FUBP3: variants seen among roughly 807,000 people sequenced by gnomAD.
The protein encoded by FUBP3 is far upstream element binding protein 3.
Under a neutral mutation model 85.6 loss-of-function variants are expected in FUBP3, and 28 were observed. The ratio of observed to expected loss-of-function variants is 0.33; its 90% CI spans 0.24 to 0.45. The LOEUF is 0.45. Among genes scored for constraint, FUBP3 ranks in the 20% least tolerant of loss-of-function variants. The pLI is 1.00. For synonymous variants in FUBP3, 271 were observed against 271.4 expected (o/e 1.00, Z 0.01); for missense variants, 583 against 755.1 (o/e 0.77, Z 2.67).
chr9:130,589,675 G>GTGTATATATATATATATATATATA (rs869282275), intron 1 of FUBP3, among the ~76,000 whole-genome samples: 1 of 34,310 alleles, frequency 2.9e-5, no homozygotes, highest in African/African-American at 1.3e-4. Context: ...GTATGTGTGT[G>GTGTATATATATATATATATATATA]TATATATATA....
At chr9:130,601,341 A>G (rs1448589610) in intron 2 of FUBP3, among the ~76,000 whole-genome samples, 3 of 152,148 alleles carry the variant, frequency 2.0e-5, no homozygotes, top group African/African-American at 4.8e-5. Context: ...GTCACTTCCC[A>G]TTTGTCCCTC....
rs1293475850 is a variant in FUBP3, at chr9:130,637,207, C to A, written c.*185C>A. ...AAATTAGTTACTAAAAATTGCTGAT[C>A]ATTTTTGTTTCATTATTTTTGTTAT... On this transcript the variant is annotated 3_prime_UTR_variant, in exon 19 of 19. Coordinates refer to ENST00000319725, the MANE Select transcript of FUBP3 (RefSeq NM_003934.2). 6 of 610,282 alleles carry A rather than the reference C, an allele frequency of 9.8e-6. No individual in the cohort carries two copies. The highest frequency in any genetic ancestry group is 1.5e-5 in the Non-Finnish European group (5 of 342,146). 37.8% of individuals were successfully genotyped at this position (610,282 alleles called of 1,614,324 possible). A position where few individuals can be genotyped will look rare whatever the true frequency, so the allele number is the denominator to read the frequency against.
At chr9:130,589,705 A>ATATTTT (rs1414691549) in intron 1 of FUBP3, among the ~76,000 whole-genome samples, 13 of 73,834 alleles carry the variant, frequency 1.8e-4, no homozygotes, top group South Asian at 4.7e-4. Context: ...ATATATATAT[A>ATATTTT]TTTTTTTTTT....
chr9:130,593,970 A>G (rs539131133), intron 1 of FUBP3, among the ~76,000 whole-genome samples: 2 of 152,344 alleles, frequency 1.3e-5, no homozygotes, highest in Admixed American at 6.5e-5. Context: ...ATAAATATTA[A>G]AAGTTGAAAT....
intron 2 of FUBP3, among the ~76,000 whole-genome samples, chr9:130,602,795 G>A (rs908775112): frequency 6.6e-6 from 1 of 152,216 alleles, no homozygotes; most frequent in Non-Finnish European, 1.5e-5. Flanking sequence ...TTCCAGGGGC[G>A]GTGGACATGG....
intron 12 of FUBP3, among the ~76,000 whole-genome samples, chr9:130,627,163 A>G (rs1489475321): frequency 1.3e-5 from 2 of 152,178 alleles, no homozygotes; most frequent in Non-Finnish European, 2.9e-5. Flanking sequence ...CATTGGCAGC[A>G]GTTCATCTTG....
rs188956189 is a variant in FUBP3 at position 130,629,538 on chromosome 9, G to A, written c.1118-1090G>A. 2.3e-4 allele frequency among the ~76,000 whole-genome samples: 35 copies of A among 152,160 alleles called. No individual in the cohort carries two copies. In the East Asian group the frequency reaches 5.2e-3, roughly 23 times the overall value. On this transcript the variant is annotated intron_variant, in intron 12 of 18. Coordinates refer to ENST00000319725, the MANE Select transcript of FUBP3 (RefSeq NM_003934.2). ...AGACGCCCTTGTGTCTGCCTTTAGC[G>A]TCCCCTCCCTACTGGCCCGATAGGC...
chr9:130,617,993 G>A, intron 8 of FUBP3, 98 bp downstream of exon 8: 2 of 613,440 alleles, frequency 3.3e-6, no homozygotes, highest in Non-Finnish European at 5.9e-6. Flanking sequence ...TGTGAAACTG[G>A]CAGCTCCGTT....
intron 1 of FUBP3, among the ~76,000 whole-genome samples, chr9:130,593,992 G>A (rs1830742315): frequency 6.6e-6 from 1 of 151,778 alleles, no homozygotes; most frequent in Non-Finnish European, 1.5e-5. Context: ...GCTCTTAGAG[G>A]TCATCTCCCT....
Position 130,589,664 on chromosome 9 carries a change from T to A in FUBP3, c.85-5819T>A, listed in dbSNP as rs1226069025. Reference sequence around the variant, plus strand: ...CAGCCAGATTTATTTTAAATATGTATGTATGTGTGTGTATATATATATATA... The same window carrying A: ...CAGCCAGATTTATTTTAAATATGTAAGTATGTGTGTGTATATATATATATA... On this transcript the variant is annotated intron_variant, in intron 1 of 18. Transcript: ENST00000319725. Among the ~76,000 whole-genome samples the A allele has an allele frequency of 4.0e-5, 3 of 75,348 alleles. No individual in the cohort carries two copies. The Admixed American group carries it at 5.3e-4, about 13-fold the overall frequency. The allele number at this position is 75,348 out of a possible 152,430, so 49.4% of individuals were successfully genotyped here. A position where few individuals can be genotyped will look rare whatever the true frequency, so the allele number is the denominator to read the frequency against.
At chr9:130,583,083 A>G (rs1014394058) in intron 1 of FUBP3, among the ~76,000 whole-genome samples, 3 of 152,228 alleles carry the variant, frequency 2.0e-5, no homozygotes. Flanking sequence ...GCATCACGGT[A>G]GCACTACACT....
At chr9:130,631,703 C>G (rs1830217776) in intron 14 of FUBP3, 73 bp downstream of exon 14, 1 of 1,272,526 alleles carries the variant, frequency 7.9e-7, no homozygotes, top group African/African-American at 1.5e-5. Flanking sequence ...TTTCCAGCTA[C>G]TTCTAGCGAG....
In FUBP3 at chr9:130,585,699, C is replaced by T. The variant is rs116276468; in HGVS notation, c.84+5935C>T. On this transcript the variant is annotated intron_variant, in intron 1 of 18. Coordinates refer to ENST00000319725, the MANE Select transcript of FUBP3 (RefSeq NM_003934.2). The stretch of plus-strand genomic sequence containing the variant: ...TAAATGTCCTGAAGTTAGATCACTT[C>T]GTGCCCTCTTTCCATGGAACCAAAT... 5.7e-3 allele frequency among the ~76,000 whole-genome samples: 870 copies of T among 152,328 alleles called. 12 individuals carry two copies. The highest frequency in any genetic ancestry group is 0.019 in the African/African-American group (809 of 41,570).
At chr9:130,586,604 A>G (rs1830347039) in intron 1 of FUBP3, among the ~76,000 whole-genome samples, 1 of 152,014 alleles carries the variant, frequency 6.6e-6, no homozygotes, top group South Asian at 2.1e-4. Flanking sequence ...CCAGAGGGAG[A>G]TAAAGCAGTT....
chr9:130,635,833 C>A lies in FUBP3; in HGVS notation c.1583-166C>A, dbSNP rs959427886. 9.0e-6 allele frequency: 6 copies of A among 668,778 alleles called. No homozygotes were observed. The Admixed American group carries it at 1.4e-4, about 15-fold the overall frequency. The allele number at this position is 668,778 out of a possible 1,614,324, so 41.4% of individuals were successfully genotyped here. A position where few individuals can be genotyped will look rare whatever the true frequency, so the allele number is the denominator to read the frequency against. ...CCGGGCAACAAGAGGCTAACAGCAC[C>A]TTTTGTAGCAAGCGCTCCTGCAACA... is the stretch of plus-strand genomic sequence containing the variant. On this transcript the variant is annotated intron_variant, in intron 17 of 18. Transcript: ENST00000319725. The surrounding 1 kb of genome is among the most constrained non-coding windows in gnomAD (Gnocchi z 4.3).
chr9:130,619,806 A>G (rs551009941), intron 8 of FUBP3, among the ~76,000 whole-genome samples: 2 of 152,350 alleles, frequency 1.3e-5, no homozygotes, highest in African/African-American at 4.8e-5. Context: ...GGTTATAGAA[A>G]TAAGATAGGC....
intron 6 of FUBP3, 73 bp downstream of exon 6, chr9:130,614,418 A>G (rs1831899192): frequency 1.1e-6 from 1 of 912,594 alleles, no homozygotes; most frequent in Non-Finnish European, 1.8e-6. Context: ...TGGAAGGGCA[A>G]CACTGTTACT....
At position 130,616,682 on chromosome 9, in the gene FUBP3, A is replaced by G. The variant is rs1832024343; in HGVS notation, c.567+165A>G. Among the ~76,000 whole-genome samples the G allele has an allele frequency of 6.6e-6, 1 of 152,180 alleles. No homozygotes were observed. The highest frequency in any genetic ancestry group is 6.5e-5 in the Admixed American group (1 of 15,292). On this transcript the variant is annotated intron_variant, in intron 7 of 18. Coordinates refer to ENST00000319725, the MANE Select transcript of FUBP3 (RefSeq NM_003934.2). This position sits in a 1 kb window ranked among gnomAD's most constrained non-coding sequence, Gnocchi z 4.7. ...TTTGACAGACAGCTTCTGAACATAC[A>G]CCACGGCCACGTCTGATGCCAAATA...
intron 8 of FUBP3, among the ~76,000 whole-genome samples, chr9:130,618,605 G>A (rs753978636): frequency 6.6e-6 from 1 of 152,202 alleles, no homozygotes; most frequent in Non-Finnish European, 1.5e-5. Flanking sequence ...GTTTTTGTCT[G>A]TCCTCAGTGA....
Sources: gnomAD v4.1 joint callset for allele counts (sites outside exome capture counted in the v4.1 genomes callset) on GRCh38, gnomAD v4.1.1 for gene constraint, Gnocchi (gnomAD v3.1) non-coding constraint, MANE v1.5 for transcripts, NCBI Gene and HGNC (gene_info 2026-07-23, HGNC 2026-07-21) for gene names.